THSD7B: variants seen among roughly 807,000 people sequenced by gnomAD.
The protein encoded by THSD7B is thrombospondin type-1 domain-containing protein 7B.
Under a neutral mutation model 213.6 loss-of-function variants are expected in THSD7B, and 138 were observed. The observed-to-expected ratio is 0.65, with a 90% CI of 0.56 to 0.74. The LOEUF (loss-of-function observed/expected upper bound fraction) is 0.74, where lower values mean the gene tolerates loss of function less well. THSD7B is among the 30% of genes least tolerant of loss of function. THSD7B has a pLI of 0.00. For synonymous variants in THSD7B, 742 were observed against 687.0 expected, an observed-to-expected ratio of 1.08 and a Z score of -1.25; for missense variants, 1,931 against 1,991.5, an observed-to-expected ratio of 0.97 and a Z score of 0.58.
At chr2:137,431,793 G>A (rs1053708187) in intron 14 of THSD7B, among the ~76,000 whole-genome samples, 2 of 152,236 alleles carry the variant, frequency 1.3e-5, no homozygotes, top group Admixed American at 1.3e-4. Context: ...TTTTATTGAA[G>A]TCAGGAGAAA....
chr2:137,085,633 A>G (rs1687823926), intron 3 of THSD7B, among the ~76,000 whole-genome samples: 1 of 152,242 alleles, frequency 6.6e-6, no homozygotes, highest in East Asian at 1.9e-4. Context: ...AAAAAGTTAT[A>G]TAGGTTAAAT....
At chr2:136,846,198 T>A (rs912116080) in intron 1 of THSD7B, among the ~76,000 whole-genome samples, 1 of 152,228 alleles carries the variant, frequency 6.6e-6, no homozygotes, top group South Asian at 2.1e-4. Flanking sequence ...CCACAGCAAT[T>A]TGGCTTGAGA....
intron 10 of THSD7B, among the ~76,000 whole-genome samples, chr2:137,258,840 C>T (rs1417423138): frequency 6.6e-6 from 1 of 151,908 alleles, no homozygotes. Context: ...CCATGTCCCC[C>T]CCAACCCCTG....
intron 3 of THSD7B, among the ~76,000 whole-genome samples, chr2:137,081,981 A>T (rs1217973671): frequency 6.6e-6 from 1 of 151,928 alleles, no homozygotes; most frequent in East Asian, 1.9e-4. Flanking sequence ...TCTTTACTGC[A>T]TTATCTCTAA....
rs1181193313 is a variant in THSD7B at position 137,312,886 on chromosome 2, T to C, written c.2500+36860T>C. On this transcript the variant is annotated intron_variant, in intron 12 of 27. Transcript: ENST00000409968. Reference sequence around the variant, plus strand: ...GGTCTGAGAGATAGTTTGTTATAATTTCTGTTCTTTTACATTTGCTGAGGA... The same window carrying C: ...GGTCTGAGAGATAGTTTGTTATAATCTCTGTTCTTTTACATTTGCTGAGGA... Among the ~76,000 whole-genome samples the C allele has an allele frequency of 2.7e-4, 41 of 151,192 alleles. No homozygotes were observed. The Middle Eastern group carries it at 0.014, about 50-fold the overall frequency.
chr2:137,061,013 T>A (rs1687259272), intron 3 of THSD7B, among the ~76,000 whole-genome samples: 1 of 151,430 alleles, frequency 6.6e-6, no homozygotes. Context: ...TAATTCTTGT[T>A]TATTTTGTCA....
chr2:137,065,906 C>G (rs370527128), intron 3 of THSD7B, among the ~76,000 whole-genome samples: 1 of 152,138 alleles, frequency 6.6e-6, no homozygotes, highest in East Asian at 1.9e-4. Flanking sequence ...TTACCAAATA[C>G]ATTGTTGCTA....
Position 137,676,599 on chromosome 2 carries a change from C to T in THSD7B, c.4815C>T (p.Asp1605=). Residue 1605 remains aspartate, a synonymous_variant, in exon 28 of 28, where the codon GAC becomes GAT. Coordinates refer to ENST00000409968, the MANE Select transcript of THSD7B (RefSeq NM_001316349.2). ...CCTTAGCCTACGATGGAGACTTAGA[C>T]ATGTAATCTGAAAAAGAAATCCAAA... ...PLTLAYDGDL[D]M The T allele has an allele frequency of 1.3e-6, 2 of 1,575,030 alleles. No individual in the cohort carries two copies. The highest frequency in any genetic ancestry group is 1.7e-4 in the Middle Eastern group (1 of 5,986).
intron 11 of THSD7B, among the ~76,000 whole-genome samples, chr2:137,274,828 A>C (rs994384843): frequency 6.6e-6 from 1 of 152,120 alleles, no homozygotes; most frequent in African/African-American, 2.4e-5. Flanking sequence ...AATTTATAAC[A>C]ATCTAAAATT....
chr2:137,149,131 C>G (rs1051158147), intron 5 of THSD7B, among the ~76,000 whole-genome samples: 1 of 152,178 alleles, frequency 6.6e-6, no homozygotes, highest in Non-Finnish European at 1.5e-5. Context: ...AGCCAATATA[C>G]AGCTCAGGCT....
At chr2:136,991,661 C>T (rs1026038031) in intron 2 of THSD7B, among the ~76,000 whole-genome samples, 3 of 152,094 alleles carry the variant, frequency 2.0e-5, no homozygotes, top group Non-Finnish European at 2.9e-5. Context: ...TTTGTACGCT[C>T]TTTCATATGC....
At chr2:136,991,305 G>A (rs1573753504) in intron 2 of THSD7B, among the ~76,000 whole-genome samples, 1 of 151,740 alleles carries the variant, frequency 6.6e-6, no homozygotes, top group Non-Finnish European at 1.5e-5. Flanking sequence ...TGTGGAGGGA[G>A]GTAAAAAAAT....
intron 15 of THSD7B, among the ~76,000 whole-genome samples, chr2:137,533,940 GGTT>G (rs1680449852): frequency 6.6e-6 from 1 of 151,172 alleles, no homozygotes. Context: ...CTGTAATATT[GGTT>G]GTTTATTCCA....
chr2:137,011,240 G>A lies in THSD7B; in HGVS notation c.140-45180G>A, dbSNP rs373715202. On this transcript the variant is annotated intron_variant, in intron 2 of 27. Transcript: ENST00000409968. ...AGCTACTCTGCACTTGAGGCCATCT[G>A]TAAGGAAGTTTTACCCCTAAAGCTT... 2.6e-5 allele frequency among the ~76,000 whole-genome samples: 4 copies of A among 152,270 alleles called. No individual in the cohort carries two copies. In the East Asian group the frequency reaches 7.7e-4, roughly 29 times the overall value.
intron 3 of THSD7B, among the ~76,000 whole-genome samples, chr2:137,087,703 A>G (rs1308466232): frequency 6.6e-6 from 1 of 152,246 alleles, no homozygotes; most frequent in African/African-American, 2.4e-5. Flanking sequence ...TAGAATCTAT[A>G]TCGGGAAAAT....
At chr2:137,566,780 G>A (rs1263738429) in intron 16 of THSD7B, among the ~76,000 whole-genome samples, 3 of 151,870 alleles carry the variant, frequency 2.0e-5, no homozygotes, top group Non-Finnish European at 4.4e-5. Context: ...AATAGCAGTA[G>A]AGAAAAAAAT....
chr2:137,637,828 T>C (rs1682861284), intron 20 of THSD7B, among the ~76,000 whole-genome samples: 2 of 152,194 alleles, frequency 1.3e-5, no homozygotes, highest in Admixed American at 1.3e-4. Flanking sequence ...AGAGTCTCTT[T>C]GGCCATGATA....
chr2:137,471,154 C>A (rs1157155454), intron 15 of THSD7B, among the ~76,000 whole-genome samples: 1 of 151,944 alleles, frequency 6.6e-6, no homozygotes, highest in Non-Finnish European at 1.5e-5. Context: ...CTCCTGACCT[C>A]AGGTGATCCA....
At chr2:137,157,545 A>G (rs928017327) in intron 5 of THSD7B, among the ~76,000 whole-genome samples, 32 of 152,182 alleles carry the variant, frequency 2.1e-4, no homozygotes, top group African/African-American at 6.8e-4. Context: ...GGAAAACTGT[A>G]TCAGTCCAAG....
Sources: gnomAD v4.1 joint callset for allele counts (sites outside exome capture counted in the v4.1 genomes callset) on GRCh38, gnomAD v4.1.1 for gene constraint, MANE v1.5 for transcripts, NCBI Gene and HGNC (gene_info 2026-07-23, HGNC 2026-07-21) for gene names.